Variants in CA12 observed in about 807,000 individuals in gnomAD.
The protein encoded by CA12 is carbonate dehydratase XII.
Under a neutral mutation model 46.8 loss-of-function variants are expected in CA12, and 36 were observed. The observed-to-expected ratio is 0.77, with a 90% CI of 0.59 to 1.02. The LOEUF (loss-of-function observed/expected upper bound fraction) is 1.02, where lower values mean the gene tolerates loss of function less well. Among genes scored for constraint, CA12 ranks in the 50% least tolerant of loss-of-function variants. CA12 has a pLI of 0.00. For synonymous variants in CA12, 202 were observed against 187.0 expected (o/e 1.08, Z -0.65); for missense variants, 436 against 451.4 (o/e 0.97, Z 0.31).
In CA12 at chr15:63,355,797, T is replaced by C. The variant is rs1161241985; in HGVS notation, c.107-9088A>G. 5.3e-5 allele frequency among the ~76,000 whole-genome samples: 8 copies of C among 152,170 alleles called. 1 individual carries two copies. The highest frequency in any genetic ancestry group is 1.9e-4 in the East Asian group (1 of 5,186). The stretch of plus-strand genomic sequence containing the variant: ...ATCCTCCTTCATCTTCCTTGGCCCA[T>C]TCATGTGAGGAATCGTGCTAGATGT... On this transcript the variant is annotated intron_variant, in intron 2 of 10. Coordinates refer to ENST00000178638, the MANE Select transcript of CA12 (RefSeq NM_001218.5). The surrounding 1 kb of genome is among the most constrained non-coding windows in gnomAD (Gnocchi z 4.1).
rs1251903617 is a variant in CA12 at position 63,331,421 on chromosome 15, T to C, written c.875-3291A>G. On this transcript the variant is annotated intron_variant, in intron 8 of 10. Transcript: ENST00000178638. The surrounding 1 kb of genome is among the most constrained non-coding windows in gnomAD (Gnocchi z 5.3). ...GTTAAAGAAATGGTTTGTTTCTGAA[T>C]AGGAAAGAAGGGAGGCGATTCCCAC... Among the ~76,000 whole-genome samples the C allele has an allele frequency of 6.6e-6, 1 of 151,974 alleles. No individual in the cohort carries two copies. The highest frequency in any genetic ancestry group is 1.5e-5 in the Non-Finnish European group (1 of 67,982).
Position 63,328,417 on chromosome 15 carries a change from A to G in CA12, c.875-287T>C, listed in dbSNP as rs1321068838. Among the ~76,000 whole-genome samples the G allele has an allele frequency of 6.6e-6, 1 of 150,726 alleles. No individual in the cohort carries two copies. Among genetic ancestry groups the G allele is most frequent in the Non-Finnish European group, 1.5e-5 (1 of 67,808 alleles). ...AGTGGTGCGATCTTGGCTCACTTCA[A>G]CCTCCGCCTCCTGGGTTCAAGCAAT... On this transcript the variant is annotated intron_variant, in intron 8 of 10. Coordinates refer to ENST00000178638, the MANE Select transcript of CA12 (RefSeq NM_001218.5). The surrounding 1 kb of genome is among the most constrained non-coding windows in gnomAD (Gnocchi z 5.9).
At chr15:63,334,596 A>T (rs780469636) in intron 8 of CA12, among the ~76,000 whole-genome samples, 1 of 152,150 alleles carries the variant, frequency 6.6e-6, no homozygotes, top group Non-Finnish European at 1.5e-5. Flanking sequence ...AGTGCCTGAC[A>T]TGACTTTCAC....
intron 2 of CA12, among the ~76,000 whole-genome samples, chr15:63,361,343 C>G (rs143063976): frequency 8.3e-4 from 127 of 152,354 alleles, no homozygotes; most frequent in African/African-American, 3.0e-3. Context: ...CATCCTAGAC[C>G]GGGTTGCTGT....
Position 63,339,059 on chromosome 15 carries a change from T to C in CA12, c.748-114A>G. 1 of 1,336,936 alleles carries C rather than the reference T, an allele frequency of 7.5e-7. No homozygotes were observed. The highest frequency in any genetic ancestry group is 1.0e-6 in the Non-Finnish European group (1 of 954,834). 82.8% of individuals were successfully genotyped at this position (1,336,936 alleles called of 1,614,324 possible). On this transcript the variant is annotated intron_variant, in intron 7 of 10. Coordinates refer to ENST00000178638, the MANE Select transcript of CA12 (RefSeq NM_001218.5). This position sits in a 1 kb window ranked among gnomAD's most constrained non-coding sequence, Gnocchi z 4.3. ...GGGAGAAGCCTCTGGAACCAGCTTC[T>C]GTGGGGCCGGGTGGGAGATATTAGA...
chr15:63,368,692 T>G (rs1499607), intron 2 of CA12, among the ~76,000 whole-genome samples: 146,812 of 152,296 alleles, frequency 0.96, 70,940 homozygotes, highest in Non-Finnish European at 1. Context: ...GGTAGCAGAA[T>G]GGTCAAGTCG....
intron 2 of CA12, among the ~76,000 whole-genome samples, chr15:63,349,475 C>G (rs760340164): frequency 6.6e-6 from 1 of 152,138 alleles, no homozygotes; most frequent in Non-Finnish European, 1.5e-5. Flanking sequence ...TCCTTGGGCA[C>G]CAGTCACAGG....
At chr15:63,332,801 G>C (rs2038952907) in intron 8 of CA12, among the ~76,000 whole-genome samples, 1 of 152,242 alleles carries the variant, frequency 6.6e-6, no homozygotes, top group East Asian at 1.9e-4. Context: ...AAGACACTGA[G>C]GAGGGGAGGG....
chr15:63,360,682 C>A (rs2039351092), intron 2 of CA12, among the ~76,000 whole-genome samples: 1 of 152,230 alleles, frequency 6.6e-6, no homozygotes, highest in South Asian at 2.1e-4. Flanking sequence ...CACATATTCT[C>A]CTTGCCCTGC....
chr15:63,351,575 T>C (rs2039232537), intron 2 of CA12, among the ~76,000 whole-genome samples: 2 of 152,200 alleles, frequency 1.3e-5, no homozygotes, highest in African/African-American at 2.4e-5. Flanking sequence ...GCCAGCTCCC[T>C]GAGCCTAAGA....
At chr15:63,333,144 G>T (rs947352967) in intron 8 of CA12, among the ~76,000 whole-genome samples, 9 of 152,150 alleles carry the variant, frequency 5.9e-5, no homozygotes, top group African/African-American at 2.2e-4. Flanking sequence ...GAGGGAGGGG[G>T]CATCCCAGAC....
chr15:63,340,636 T>C lies in CA12; in HGVS notation c.589+84A>G, dbSNP rs2039066197. 2.0e-6 allele frequency: 3 copies of C among 1,467,650 alleles called. No individual in the cohort carries two copies. In the South Asian group the frequency reaches 3.4e-5, roughly 17 times the overall value. 90.9% of individuals were successfully genotyped at this position (1,467,650 alleles called of 1,614,324 possible). On this transcript the variant is annotated intron_variant, in intron 6 of 10. Coordinates refer to ENST00000178638, the MANE Select transcript of CA12 (RefSeq NM_001218.5). This position sits in a 1 kb window ranked among gnomAD's most constrained non-coding sequence, Gnocchi z 4.4. The stretch of plus-strand genomic sequence containing the variant: ...GGTGAACACAGACAGCACCTGCCCC[T>C]TGTGTTTGCTTTTCTTAAAGTCACA...
chr15:63,322,640 A>C lies in CA12; in HGVS notation c.*3645T>G, dbSNP rs2038806160. ...AGTGGATGTGGAATTCAGGGAGATG[A>C]GAGATGCTCATTTCCTGCTCCAGGA... On this transcript the variant is annotated 3_prime_UTR_variant, in exon 11 of 11. Coordinates refer to ENST00000178638, the MANE Select transcript of CA12 (RefSeq NM_001218.5). The surrounding 1 kb of genome is among the most constrained non-coding windows in gnomAD (Gnocchi z 4.1). 6.6e-6 allele frequency: 1 copy of C among 152,210 alleles called. No individual in the cohort carries two copies. The highest frequency in any genetic ancestry group is 1.5e-5 in the Non-Finnish European group (1 of 68,048). 9.4% of individuals were successfully genotyped at this position (152,210 alleles called of 1,614,324 possible). A position where few individuals can be genotyped will look rare whatever the true frequency, so the allele number is the denominator to read the frequency against.
At chr15:63,371,401 G>A (rs571040073) in intron 2 of CA12, among the ~76,000 whole-genome samples, 5 of 152,174 alleles carry the variant, frequency 3.3e-5, no homozygotes, top group Non-Finnish European at 7.3e-5. Context: ...CCAGAGCCGA[G>A]GGCCACGAGG....
At chr15:63,360,316 G>C (rs2039344941) in intron 2 of CA12, among the ~76,000 whole-genome samples, 1 of 152,298 alleles carries the variant, frequency 6.6e-6, no homozygotes, top group African/African-American at 2.4e-5. Flanking sequence ...GGGGCGGCTA[G>C]CAAACCTGTC....
At chr15:63,376,728 A>T (rs2039582967) in intron 1 of CA12, among the ~76,000 whole-genome samples, 1 of 151,314 alleles carries the variant, frequency 6.6e-6, no homozygotes, top group Non-Finnish European at 1.5e-5. Flanking sequence ...CTGCAGCCTC[A>T]ACCTCCTGGG....
rs1433684857 is a variant in CA12, at chr15:63,378,898, C to T, written c.85+2738G>A. The stretch of plus-strand genomic sequence containing the variant: ...TAGAAACACATCTGCTGCCTGAGCA[C>T]TGCTGCCTTGCCAGCAGTTTGCATT... On this transcript the variant is annotated intron_variant, in intron 1 of 10. Transcript: ENST00000178638. This position sits in a 1 kb window ranked among gnomAD's most constrained non-coding sequence, Gnocchi z 4.8. 1 of 152,290 alleles carries T rather than the reference C, an allele frequency of 6.6e-6. No individual in the cohort carries two copies. The highest frequency in any genetic ancestry group is 1.5e-5 in the Non-Finnish European group (1 of 68,078). 9.4% of individuals were successfully genotyped at this position (152,290 alleles called of 1,614,324 possible).
Position 63,378,168 on chromosome 15 carries a change from G to C in CA12, c.86-2490C>G, listed in dbSNP as rs1190134150. The stretch of plus-strand genomic sequence containing the variant: ...TTTGGAAGACCAAGACAGGCAGATC[G>C]CCTGAGGTCAGGAGTTCGAGACCAG... On this transcript the variant is annotated intron_variant, in intron 1 of 10. Transcript: ENST00000178638. This position sits in a 1 kb window ranked among gnomAD's most constrained non-coding sequence, Gnocchi z 4.8. Among the ~76,000 whole-genome samples the C allele has an allele frequency of 2.0e-5, 3 of 152,190 alleles. No homozygotes were observed. The South Asian group carries it at 6.2e-4, about 32-fold the overall frequency.
In CA12 at chr15:63,340,619, C is replaced by G; in HGVS notation, c.589+101G>C. ...CCTGCTGCTCTTAACCTGGTGAACACAGACAGCACCTGCCCCTTGTGTTTG... is the reference window on the plus strand; with the variant it reads ...CCTGCTGCTCTTAACCTGGTGAACAGAGACAGCACCTGCCCCTTGTGTTTG... On this transcript the variant is annotated intron_variant, in intron 6 of 10. Transcript: ENST00000178638. This position sits in a 1 kb window ranked among gnomAD's most constrained non-coding sequence, Gnocchi z 4.4. 7.0e-7 allele frequency: 1 copy of G among 1,418,908 alleles called. No individual in the cohort carries two copies. Among genetic ancestry groups the G allele is most frequent in the Non-Finnish European group, 1.0e-6 (1 of 1,003,028 alleles). 87.9% of individuals were successfully genotyped at this position (1,418,908 alleles called of 1,614,324 possible).
Sources: gnomAD v4.1 joint callset for allele counts (sites outside exome capture counted in the v4.1 genomes callset) on GRCh38, gnomAD v4.1.1 for gene constraint, Gnocchi (gnomAD v3.1) non-coding constraint, MANE v1.5 for transcripts, NCBI Gene and HGNC (gene_info 2026-07-23, HGNC 2026-07-21) for gene names.